Variants in SF3A1 observed in about 807,000 individuals in gnomAD.
The protein encoded by SF3A1 is splicing factor 3a subunit 1, also known as SAP 114.
A neutral mutation model predicts 89.9 loss-of-function variants in SF3A1; 13 were observed. The observed-to-expected ratio is 0.14, with a 90% CI of 0.09 to 0.23. The LOEUF (loss-of-function observed/expected upper bound fraction) is 0.23. Ranked by LOEUF, SF3A1 falls within the 10% of genes least tolerant of loss-of-function variation. The pLI is 1.00. For synonymous variants in SF3A1, 405 were observed against 374.4 expected (o/e 1.08, Z -0.94); for missense variants, 604 against 1,022.1 (o/e 0.59, Z 5.58).
chr22:30,334,419 T>C lies in SF3A1; in HGVS notation c.*175A>G. On this transcript the variant is annotated 3_prime_UTR_variant, in exon 16 of 16. Transcript: ENST00000215793. ...GAAAACCCAGCTACTCTTACCAATG[T>C]GGGGAAAGGGTCAGGGGAATGAACC... is the stretch of plus-strand genomic sequence containing the variant. 1 of 499,346 alleles carries C rather than the reference T, an allele frequency of 2.0e-6. No homozygotes were observed. The highest frequency in any genetic ancestry group is 3.5e-6 in the Non-Finnish European group (1 of 283,352). The allele number at this position is 499,346 out of a possible 1,614,324, so 30.9% of individuals were successfully genotyped here.
In SF3A1 at chr22:30,340,741, G is replaced by C; in HGVS notation, c.1143C>G (p.Pro381=). 1.2e-6 allele frequency: 2 copies of C among 1,607,710 alleles called. No homozygotes were observed. The highest frequency in any genetic ancestry group is 2.2e-5 in the South Asian group (2 of 90,556). Residue 381 remains proline, a synonymous_variant, in exon 8 of 16, where the codon CCC becomes CCG. Coordinates refer to ENST00000215793, the MANE Select transcript of SF3A1 (RefSeq NM_005877.6). ...PPETPMPPPL[P]PTPDQVIVRK... Reference sequence around the variant, plus strand: ...GGACAATGACTTGGTCTGGAGTTGGGGGCAGAGGTGGAGGCATGGGTGTCT... The same window carrying C: ...GGACAATGACTTGGTCTGGAGTTGGCGGCAGAGGTGGAGGCATGGGTGTCT...
At chr22:30,336,994 A>G (rs752887144) in intron 13 of SF3A1, 32 bp downstream of exon 13, 10 of 1,613,724 alleles carry the variant, frequency 6.2e-6, no homozygotes, top group Non-Finnish European at 8.5e-6. Context: ...CCCTCCAGCT[A>G]GAAACTTCAG....
chr22:30,333,863 TG>T lies in SF3A1; in HGVS notation c.*730del, dbSNP rs1930985829. The T allele has an allele frequency of 6.6e-6, 1 of 152,100 alleles. No individual in the cohort carries two copies. Among genetic ancestry groups the T allele is most frequent in the Non-Finnish European group, 1.5e-5 (1 of 68,018 alleles). 9.4% of individuals were successfully genotyped at this position (152,100 alleles called of 1,614,324 possible). On this transcript the variant is annotated 3_prime_UTR_variant, in exon 16 of 16. Coordinates refer to ENST00000215793, the MANE Select transcript of SF3A1 (RefSeq NM_005877.6). The stretch of plus-strand genomic sequence containing the variant: ...AGGACCACAGAGCCAATCAATCAGG[TG>T]ATGAGTGATTCCAGGCCAGCAGGAA...
intron 6 of SF3A1, 130 bp from the exon 7 acceptor site, chr22:30,342,015 G>A (rs576630587): frequency 8.6e-6 from 10 of 1,157,298 alleles, no homozygotes; most frequent in East Asian, 2.5e-5. Flanking sequence ...TCTAGGGTCT[G>A]GCAAGTACGT....
rs550382178 is a variant in SF3A1, at chr22:30,348,062, C to T, written c.186-1543G>A. ...GTTTCACCATGTTGCTCAGGCTGGTCTCAAACTCCTGCGCTTAAGCGCCTT... is the reference window on the plus strand; with the variant it reads ...GTTTCACCATGTTGCTCAGGCTGGTTTCAAACTCCTGCGCTTAAGCGCCTT... On this transcript the variant is annotated intron_variant, in intron 2 of 15. Transcript: ENST00000215793. Among the ~76,000 whole-genome samples, 68 of 152,304 alleles carry T rather than the reference C, an allele frequency of 4.5e-4. No homozygotes were observed. In the South Asian group the frequency reaches 0.014, roughly 32 times the overall value.
chr22:30,350,312 A>AAAAAAAAAAAAAAAAAAAAC (rs71198543), intron 2 of SF3A1, among the ~76,000 whole-genome samples: 1 of 149,418 alleles, frequency 6.7e-6, no homozygotes, highest in Non-Finnish European at 1.5e-5. Flanking sequence ...ACTAAAAAAA[A>AAAAAAAAAAAAAAAAAAAAC]TAAAAAAAAT....
At chr22:30,339,059 T>A in intron 10 of SF3A1, 25 bp from the exon 11 acceptor site, 1 of 1,613,872 alleles carries the variant, frequency 6.2e-7, no homozygotes, top group Non-Finnish European at 8.5e-7. Context: ...AAAGCCACAA[T>A]GCTTCTGGAA....
At chr22:30,337,327 G>T in intron 12 of SF3A1, 147 bp from the exon 13 acceptor site, 1 of 803,744 alleles carries the variant, frequency 1.2e-6, no homozygotes, top group Non-Finnish European at 1.9e-6. Context: ...GCAGCCAGCA[G>T]GTTCCCTGGC....
intron 8 of SF3A1, 56 bp from the exon 9 acceptor site, chr22:30,340,437 G>A: frequency 6.4e-7 from 1 of 1,555,320 alleles, no homozygotes. Flanking sequence ...CCTGAGTTAA[G>A]AGGGTGGTAT....
chr22:30,342,501 C>G (rs1403004798), intron 5 of SF3A1, 151 bp from the exon 6 acceptor site: 2 of 843,434 alleles, frequency 2.4e-6, no homozygotes, highest in East Asian at 5.3e-5. Context: ...CCTGGTTCCA[C>G]CCAGGTGCAG....
intron 13 of SF3A1, among the ~76,000 whole-genome samples, chr22:30,336,342 A>G (rs921656462): frequency 1.5e-4 from 23 of 152,276 alleles, no homozygotes; most frequent in African/African-American, 5.5e-4. Flanking sequence ...ACGTGGCGAA[A>G]CCCCATCTCT....
intron 3 of SF3A1, among the ~76,000 whole-genome samples, 197 bp from the exon 4 acceptor site, chr22:30,345,387 T>C: frequency 6.6e-6 from 1 of 152,224 alleles, no homozygotes; most frequent in South Asian, 2.1e-4. Context: ...CAGCCAACTA[T>C]GGCCTCAACT....
chr22:30,354,472 C>T (rs1931697394), intron 1 of SF3A1, among the ~76,000 whole-genome samples: 1 of 152,172 alleles, frequency 6.6e-6, no homozygotes, highest in African/African-American at 2.4e-5. Flanking sequence ...TCCTTCCTGA[C>T]CCGTTTCACC....
At chr22:30,346,123 T>C (rs560448103) in intron 3 of SF3A1, 189 bp downstream of exon 3, 1 of 592,518 alleles carries the variant, frequency 1.7e-6, no homozygotes, top group African/African-American at 1.9e-5. Context: ...TGACAAGCAG[T>C]GCTCGGGAAA....
intron 2 of SF3A1, 30 bp from the exon 3 acceptor site, chr22:30,346,549 C>T (rs757612126): frequency 6.2e-7 from 1 of 1,611,454 alleles, no homozygotes; most frequent in Non-Finnish European, 8.5e-7. Context: ...CAAGAATAAA[C>T]ACCACTCCCT....
intron 4 of SF3A1, among the ~76,000 whole-genome samples, chr22:30,343,715 T>C (rs928138598): frequency 6.6e-6 from 1 of 152,242 alleles, no homozygotes; most frequent in Non-Finnish European, 1.5e-5. Context: ...AGCAGTCCAC[T>C]GGGAGAAATT....
rs764999431 is a variant in SF3A1 at position 30,338,792 on chromosome 22, G to T, written c.1740C>A (p.Pro580=). ...TCCAGGGTAGATGCTGGCTTACTGTGGGTGGTCGGGGCACTGAAGTGATGG... is the reference window on the plus strand; with the variant it reads ...TCCAGGGTAGATGCTGGCTTACTGTTGGTGGTCGGGGCACTGAAGTGATGG... ...APPITSVPRP[P]TMPPPVRTTV... is the part of the protein sequence containing the mutation. Residue 580 remains proline (P), a synonymous_variant, in exon 11 of 16, where the codon CCC becomes CCA. Coordinates refer to ENST00000215793, the MANE Select transcript of SF3A1 (RefSeq NM_005877.6). 1.2e-6 allele frequency: 2 copies of T among 1,614,078 alleles called. No individual in the cohort carries two copies. Among genetic ancestry groups the T allele is most frequent in the Non-Finnish European group, 1.7e-6 (2 of 1,180,022 alleles).
intron 2 of SF3A1, 134 bp downstream of exon 2, chr22:30,352,817 G>T: frequency 9.8e-7 from 1 of 1,024,702 alleles, no homozygotes; most frequent in Non-Finnish European, 1.4e-6. Flanking sequence ...GCCTACCCCA[G>T]TGCCATGTTG....
intron 2 of SF3A1, among the ~76,000 whole-genome samples, chr22:30,349,402 TC>T (rs1200530171): frequency 6.6e-6 from 1 of 152,224 alleles, no homozygotes; most frequent in Non-Finnish European, 1.5e-5. Context: ...TGCCTCAGCC[TC>T]CCAAGTAGCT....
Sources: allele counts gnomAD v4.1 joint callset (sites outside exome capture counted in the v4.1 genomes callset), GRCh38; gene constraint gnomAD v4.1.1; transcripts MANE v1.5; gene names NCBI Gene and HGNC (gene_info 2026-07-23, HGNC 2026-07-21).